LOC122539214: variants seen among roughly 807,000 people sequenced by gnomAD.
chr19:52,674,984 G>T, the LOC122539214 span, among the ~76,000 whole-genome samples: 1 of 152,170 alleles, frequency 6.6e-6, no homozygotes, highest in Non-Finnish European at 1.5e-5. Context: ...GGCTCCCAAA[G>T]TGCTGGGATT....
chr19:52,653,826 C>T, the LOC122539214 span, among the ~76,000 whole-genome samples: 3 of 152,148 alleles, frequency 2.0e-5, no homozygotes, highest in Non-Finnish European at 4.4e-5. Context: ...TATATTGTTT[C>T]TCTCCTGAAT....
the LOC122539214 span, among the ~76,000 whole-genome samples, chr19:52,682,028 A>G: frequency 1.3e-5 from 2 of 151,934 alleles, no homozygotes; most frequent in African/African-American, 4.8e-5. Flanking sequence ...TTGTATTTTT[A>G]GTAGAGACGA....
the LOC122539214 span, chr19:52,653,296 C>A: frequency 2.9e-6 from 4 of 1,388,534 alleles, no homozygotes; most frequent in Non-Finnish European, 4.1e-6. Flanking sequence ...AAAAACCTTA[C>A]CACATTCATT....
At chr19:52,656,196 G>T in the LOC122539214 span, among the ~76,000 whole-genome samples, 4 of 139,060 alleles carry the variant, frequency 2.9e-5, no homozygotes, top group African/African-American at 1.1e-4. Context: ...TTGGGCTGCA[G>T]AGTGAGACTC....
the LOC122539214 span, among the ~76,000 whole-genome samples, chr19:52,673,933 T>C: frequency 6.8e-6 from 1 of 147,958 alleles, no homozygotes; most frequent in Non-Finnish European, 1.5e-5. Flanking sequence ...GGAGAATTGG[T>C]TGAAGCTGAG....
At chr19:52,672,992 T>C in the LOC122539214 span, among the ~76,000 whole-genome samples, 1 of 151,206 alleles carries the variant, frequency 6.6e-6, no homozygotes, top group Non-Finnish European at 1.5e-5. Flanking sequence ...AATGATTAAA[T>C]TGTACATATA....
chr19:52,687,393 AATT>A, the LOC122539214 span, among the ~76,000 whole-genome samples: 477 of 80,712 alleles, frequency 5.9e-3, 188 homozygotes, highest in African/African-American at 0.022. Flanking sequence ...ATATATATAT[AATT>A]TATATAGCTA....
At chr19:52,669,701 C>A in the LOC122539214 span, among the ~76,000 whole-genome samples, 6 of 152,074 alleles carry the variant, frequency 3.9e-5, no homozygotes, top group Non-Finnish European at 7.4e-5. Flanking sequence ...AAAAGTGGTT[C>A]GGTAGATGGA....
At chr19:52,675,711 C>T in the LOC122539214 span, among the ~76,000 whole-genome samples, 3 of 152,056 alleles carry the variant, frequency 2.0e-5, no homozygotes, top group South Asian at 6.2e-4. Flanking sequence ...AAAGGAAGGG[C>T]AAGGGTGGAG....
chr19:52,686,679 T>C, the LOC122539214 span, among the ~76,000 whole-genome samples: 13 of 152,088 alleles, frequency 8.5e-5, no homozygotes, highest in Admixed American at 2.6e-4. Flanking sequence ...GTTCAAGTGA[T>C]TGTGTACCTC....
At chr19:52,663,400 C>T in the LOC122539214 span, among the ~76,000 whole-genome samples, 1 of 152,164 alleles carries the variant, frequency 6.6e-6, no homozygotes, top group African/African-American at 2.4e-5. Flanking sequence ...TCTTCATGAA[C>T]ACATGGACTC....
chr19:52,660,459 A>C, the LOC122539214 span, among the ~76,000 whole-genome samples: 21 of 145,242 alleles, frequency 1.4e-4, no homozygotes, highest in South Asian at 4.4e-3. Flanking sequence ...TCTCTATTAA[A>C]AATACAAAAT....
the LOC122539214 span, chr19:52,650,856 AG>A: frequency 6.6e-6 from 1 of 152,224 alleles, no homozygotes; most frequent in Non-Finnish European, 1.5e-5. Context: ...TGTTTACTAC[AG>A]CAGAAGAAAG....
chr19:52,684,840 C>T, the LOC122539214 span, among the ~76,000 whole-genome samples: 16 of 152,264 alleles, frequency 1.1e-4, no homozygotes, highest in East Asian at 3.1e-3. Context: ...GAGATGAGGG[C>T]AAGCTCCCAG....
chr19:52,655,611 G>A, the LOC122539214 span: 187 of 1,504,744 alleles, frequency 1.2e-4, 1 homozygote, highest in East Asian at 3.2e-3. Context: ...CCTGTATAAA[G>A]CCCTCTGTGC....
chr19:52,673,457 C>T, the LOC122539214 span, among the ~76,000 whole-genome samples: 6,033 of 151,956 alleles, frequency 0.04, 345 homozygotes, highest in African/African-American at 0.13. Flanking sequence ...GAGCTGAGAT[C>T]GCACCACTAC....
chr19:52,652,233 T>A, the LOC122539214 span: 2 of 225,824 alleles, frequency 8.9e-6, no homozygotes, highest in Non-Finnish European at 1.8e-5. Flanking sequence ...GATCAAGAGT[T>A]GAGAGCAACC....
the LOC122539214 span, among the ~76,000 whole-genome samples, chr19:52,685,261 C>T: frequency 5.3e-5 from 8 of 152,196 alleles, no homozygotes; most frequent in African/African-American, 1.9e-4. Flanking sequence ...TCACTGGGCT[C>T]AGAGCGGGGA....
the LOC122539214 span, among the ~76,000 whole-genome samples, chr19:52,688,907 G>A: frequency 1.6e-4 from 22 of 138,432 alleles, no homozygotes; most frequent in African/African-American, 5.9e-4. Context: ...AAGTCTAAAT[G>A]AATGGGCTCC....
Sources: gnomAD v4.1 joint callset for allele counts (sites outside exome capture counted in the v4.1 genomes callset) on GRCh38, gnomAD v4.1.1 for gene constraint, MANE v1.5 for transcripts.